The following PRKCE variants were observed in gnomAD, a reference collection of about 807,000 sequenced individuals.
The protein encoded by PRKCE is protein kinase C epsilon, also known as protein kinase C epsilon type.
A neutral mutation model predicts 85.4 loss-of-function variants in PRKCE; 16 were observed. The observed-to-expected ratio is 0.19, with a 90% CI of 0.13 to 0.28. PRKCE has a LOEUF of 0.28. PRKCE is among the 10% of genes least tolerant of loss of function. The pLI is 1.00. For missense variants in PRKCE, 573 were observed against 975.2 expected (o/e 0.59, Z 5.49); for synonymous variants, 388 against 371.5 (o/e 1.04, Z -0.51).
At chr2:46,107,782 T>C (rs1299334569) in intron 11 of PRKCE, among the ~76,000 whole-genome samples, 1 of 152,250 alleles carries the variant, frequency 6.6e-6, no homozygotes, top group East Asian at 1.9e-4. Flanking sequence ...CTAATTGTTG[T>C]AATTTGCAAT....
At chr2:45,929,030 C>G (rs1249112606) in intron 2 of PRKCE, among the ~76,000 whole-genome samples, 1 of 152,116 alleles carries the variant, frequency 6.6e-6, no homozygotes, top group Non-Finnish European at 1.5e-5. Context: ...TTCTTCTTTC[C>G]CCTTTTAGAA....
At chr2:46,144,490 T>C (rs1675872296) in intron 11 of PRKCE, among the ~76,000 whole-genome samples, 1 of 152,152 alleles carries the variant, frequency 6.6e-6, no homozygotes. Flanking sequence ...GGCCTTCTCC[T>C]CTCTCCCATC....
intron 5 of PRKCE, among the ~76,000 whole-genome samples, chr2:45,984,307 GGGAGTA>G (rs1446312765): frequency 6.6e-6 from 1 of 152,148 alleles, no homozygotes; most frequent in African/African-American, 2.4e-5. Flanking sequence ...GACCATGTTG[GGGAGTA>G]GGCCTGGCCT....
intron 11 of PRKCE, among the ~76,000 whole-genome samples, chr2:46,089,703 G>A (rs1212392160): frequency 6.7e-6 from 1 of 148,774 alleles, no homozygotes; most frequent in African/African-American, 2.6e-5. Context: ...CTTGCATGGG[G>A]AGCTTCAGCC....
chr2:45,960,693 G>A (rs1701314641), intron 2 of PRKCE, among the ~76,000 whole-genome samples: 1 of 152,164 alleles, frequency 6.6e-6, no homozygotes, highest in Non-Finnish European at 1.5e-5. Context: ...CCTGGGGATT[G>A]GGGGCCCCTG....
rs772170785 is a variant in PRKCE at position 45,652,050 on chromosome 2, C to T, written c.-51C>T. The stretch of plus-strand genomic sequence containing the variant: ...GTGCCGGGCCGTCGGTTCTTCATTC[C>T]TGCCCTCGGGGCAGACGGAGTGACC... On this transcript the variant is annotated 5_prime_UTR_variant, in exon 1 of 15. Coordinates refer to ENST00000306156, the MANE Select transcript of PRKCE (RefSeq NM_005400.3). The surrounding 1 kb of genome is among the most constrained non-coding windows in gnomAD (Gnocchi z 7.7). The T allele has an allele frequency of 4.2e-6, 6 of 1,432,338 alleles. No individual in the cohort carries two copies. The highest frequency in any genetic ancestry group is 2.9e-5 in the African/African-American group (2 of 69,790). The allele number at this position is 1,432,338 out of a possible 1,614,324, so 88.7% of individuals were successfully genotyped here.
chr2:45,885,374 T>A (rs188380693), intron 2 of PRKCE, among the ~76,000 whole-genome samples: 20 of 152,280 alleles, frequency 1.3e-4, no homozygotes, highest in Non-Finnish European at 2.2e-4. Context: ...CAAAGCTCTC[T>A]TCAGAAGGCC....
In PRKCE at chr2:45,831,565, A is replaced by G. The variant is rs577057026; in HGVS notation, c.349-11435A>G. Among the ~76,000 whole-genome samples the G allele has an allele frequency of 6.6e-5, 10 of 152,338 alleles. 1 individual carries two copies. Among genetic ancestry groups the G allele is most frequent in the African/African-American group, 2.4e-4 (10 of 41,582 alleles). ...TGTAGTTGTAGAGAACAGAGAATAA[A>G]CAGAATTTGTGATGTATAACTTTTG... On this transcript the variant is annotated intron_variant, in intron 1 of 14. Transcript: ENST00000306156.
In PRKCE at chr2:45,784,635, T is replaced by G. The variant is rs139154662; in HGVS notation, c.349-58365T>G. Among the ~76,000 whole-genome samples, 130 of 151,590 alleles carry G rather than the reference T, an allele frequency of 8.6e-4. 2 individuals carry two copies. The East Asian group carries it at 0.02, about 23-fold the overall frequency. ...GAACAGGGCATCTCCTAGCTTTTTG[T>G]TTTTTTTTAAACAAACCTTTTTATT... On this transcript the variant is annotated intron_variant, in intron 1 of 14. Coordinates refer to ENST00000306156, the MANE Select transcript of PRKCE (RefSeq NM_005400.3).
At chr2:46,112,253 A>G (rs898849775) in intron 11 of PRKCE, among the ~76,000 whole-genome samples, 3 of 152,104 alleles carry the variant, frequency 2.0e-5, no homozygotes, top group African/African-American at 4.8e-5. Flanking sequence ...TTCTTTCTCT[A>G]TCCCTTTACT....
At chr2:45,691,232 G>A (rs925952276) in intron 1 of PRKCE, among the ~76,000 whole-genome samples, 3 of 152,244 alleles carry the variant, frequency 2.0e-5, no homozygotes, top group African/African-American at 4.8e-5. Flanking sequence ...TTGCATTTCC[G>A]TGGCAGGAAT....
At position 46,184,027 on chromosome 2, in the gene PRKCE, C is replaced by A. The variant is rs1256250847; in HGVS notation, c.2068-708C>A. Among the ~76,000 whole-genome samples the A allele has an allele frequency of 6.6e-6, 1 of 152,102 alleles. No individual in the cohort carries two copies. Among genetic ancestry groups the A allele is most frequent in the Non-Finnish European group, 1.5e-5 (1 of 68,038 alleles). ...ACCCAGAGGTATGGGTCCTTCAGAG[C>A]TGGGGAGTCAGTGGTGAGTTTACTT... On this transcript the variant is annotated intron_variant, in intron 14 of 14. Coordinates refer to ENST00000306156, the MANE Select transcript of PRKCE (RefSeq NM_005400.3). The surrounding 1 kb of genome is among the most constrained non-coding windows in gnomAD (Gnocchi z 5.0).
chr2:46,129,853 T>G (rs1429411054), intron 11 of PRKCE, among the ~76,000 whole-genome samples: 1 of 152,270 alleles, frequency 6.6e-6, no homozygotes, highest in African/African-American at 2.4e-5. Flanking sequence ...TTAATTGTTT[T>G]ATAGTTTATA....
intron 2 of PRKCE, among the ~76,000 whole-genome samples, chr2:45,963,509 A>C (rs192940630): frequency 6.6e-6 from 1 of 152,104 alleles, no homozygotes; most frequent in Non-Finnish European, 1.5e-5. Flanking sequence ...GGGTTTCGCC[A>C]TGTTGGCCAG....
intron 10 of PRKCE, among the ~76,000 whole-genome samples, chr2:46,082,534 T>C (rs995690366): frequency 2.6e-5 from 4 of 152,028 alleles, no homozygotes; most frequent in Non-Finnish European, 5.9e-5. Flanking sequence ...AGAACCGCAG[T>C]TGGATGAGTG....
In PRKCE at chr2:45,774,668, G is replaced by T. The variant is rs915668653; in HGVS notation, c.349-68332G>T. Among the ~76,000 whole-genome samples the T allele has an allele frequency of 2.0e-5, 3 of 152,214 alleles. No homozygotes were observed. The highest frequency in any genetic ancestry group is 2.1e-4 in the South Asian group (1 of 4,820). Reference sequence around the variant, plus strand: ...GCCACAGGCCCAGGGAGACAGACAGGCTGTGGTCTGTGAGACTACCTGATT... The same window carrying T: ...GCCACAGGCCCAGGGAGACAGACAGTCTGTGGTCTGTGAGACTACCTGATT... On this transcript the variant is annotated intron_variant, in intron 1 of 14. Transcript: ENST00000306156. The surrounding 1 kb of genome is among the most constrained non-coding windows in gnomAD (Gnocchi z 4.3).
chr2:45,959,644 C>G (rs1701245972), intron 2 of PRKCE, among the ~76,000 whole-genome samples: 1 of 152,190 alleles, frequency 6.6e-6, no homozygotes, highest in African/African-American at 2.4e-5. Context: ...ACACTTTGAT[C>G]TGAAACTTTC....
chr2:45,891,549 G>A (rs1695722697), intron 2 of PRKCE, among the ~76,000 whole-genome samples: 1 of 152,182 alleles, frequency 6.6e-6, no homozygotes, highest in Non-Finnish European at 1.5e-5. Context: ...GTCCCAGGTA[G>A]GACTGTGTGA....
chr2:45,933,938 T>G (rs934182600), intron 2 of PRKCE, among the ~76,000 whole-genome samples: 2 of 152,190 alleles, frequency 1.3e-5, no homozygotes, highest in African/African-American at 4.8e-5. Context: ...ACTCCTGGCT[T>G]CAGGCATCAT....
Sources: gnomAD v4.1 joint callset for allele counts (sites outside exome capture counted in the v4.1 genomes callset) on GRCh38, gnomAD v4.1.1 for gene constraint, Gnocchi (gnomAD v3.1) non-coding constraint, MANE v1.5 for transcripts, NCBI Gene and HGNC (gene_info 2026-07-23, HGNC 2026-07-21) for gene names.